CYP11B1: variants seen among roughly 807,000 people sequenced by gnomAD.
CYP11B1 encodes cytochrome P450 family 11 subfamily B member 1.
CYP11B1 carries 34 observed loss-of-function variants against 48.3 expected under a neutral mutation model. The observed-to-expected ratio is 0.70, with a 90% CI of 0.54 to 0.94. The LOEUF is 0.94. Among genes scored for constraint, CYP11B1 ranks in the 40% least tolerant of loss-of-function variants. The probability of loss-of-function intolerance (pLI) is 0.00; values close to 1 mark genes in which losing one functional copy is unlikely to be tolerated. For synonymous variants in CYP11B1, 291 were observed against 262.5 expected (o/e 1.11, Z -1.05); for missense variants, 688 against 657.4 (o/e 1.05, Z -0.51).
rs1816859852 is a variant in CYP11B1, at chr8:142,873,981, C to T, written c.*392G>A. ...TGACTCTGACAGTCTGCGCAGGGGC[C>T]CTGGCCAGGGGAAGAGGAACAGGGA... is the stretch of plus-strand genomic sequence containing the variant. On this transcript the variant is annotated 3_prime_UTR_variant, in exon 9 of 9. Coordinates refer to ENST00000292427, the MANE Select transcript of CYP11B1 (RefSeq NM_000497.4). 1 of 330,688 alleles carries T rather than the reference C, an allele frequency of 3.0e-6. No individual in the cohort carries two copies. Among genetic ancestry groups the T allele is most frequent in the Non-Finnish European group, 5.9e-6 (1 of 169,230 alleles). The allele number at this position is 330,688 out of a possible 1,614,324, so 20.5% of individuals were successfully genotyped here. A position where few individuals can be genotyped will look rare whatever the true frequency, so the allele number is the denominator to read the frequency against.
intron 1 of CYP11B1, 45 bp downstream of exon 1, chr8:142,879,530 G>T: frequency 6.2e-7 from 1 of 1,614,182 alleles, no homozygotes; most frequent in South Asian, 1.1e-5. Context: ...GGGCAGCAAG[G>T]GCAGGGCTCT....
At chr8:142,877,763 C>T in intron 2 of CYP11B1, 1 of 1,597,978 alleles carries the variant, frequency 6.3e-7, no homozygotes, top group Non-Finnish European at 8.5e-7. Context: ...TCACCTACAG[C>T]CAGAGTGCGT....
chr8:142,878,975 C>T lies in CYP11B1; in HGVS notation c.395+57G>A. ...GTGCTTTTGGGTCCTGCCTCTCTCG[C>T]CTCCCCCCTACACCCAGGCTGCCCA... On this transcript the variant is annotated intron_variant, in intron 2 of 8. Coordinates refer to ENST00000292427, the MANE Select transcript of CYP11B1 (RefSeq NM_000497.4). The T allele has an allele frequency of 1.9e-6, 3 of 1,603,120 alleles. No individual in the cohort carries two copies. The South Asian group carries it at 3.3e-5, about 18-fold the overall frequency.
At chr8:142,875,513 C>A in intron 6 of CYP11B1, 199 bp downstream of exon 6, 1 of 915,558 alleles carries the variant, frequency 1.1e-6, no homozygotes, top group Non-Finnish European at 1.7e-6. Context: ...ACATGCTCCA[C>A]GTTAATCCCC....
At chr8:142,877,904 A>C in intron 2 of CYP11B1, 1 of 1,309,484 alleles carries the variant, frequency 7.6e-7, no homozygotes, top group African/African-American at 1.5e-5. Context: ...GGCAGGCAGA[A>C]GATGCACATG....
chr8:142,874,526 G>C (rs768939832), intron 8 of CYP11B1, 40 bp from the exon 9 acceptor site: 1 of 1,383,482 alleles, frequency 7.2e-7, no homozygotes, highest in South Asian at 1.2e-5. Flanking sequence ...TTGGTCCGCA[G>C]CCCATGCACG....
intron 2 of CYP11B1, chr8:142,877,742 T>C (rs1368103852): frequency 1.3e-6 from 2 of 1,596,566 alleles, no homozygotes; most frequent in East Asian, 4.5e-5. Flanking sequence ...GCTTTGTGCT[T>C]CATGCCATCC....
In CYP11B1 at chr8:142,875,895, T is replaced by A; in HGVS notation, c.955-17A>T. On this transcript the variant is annotated splice_polypyrimidine_tract_variant and intron_variant, in intron 5 of 8. Coordinates refer to ENST00000292427, the MANE Select transcript of CYP11B1 (RefSeq NM_000497.4). The stretch of plus-strand genomic sequence containing the variant: ...AAACACCGTCTGCAGGAGACACAGC[T>A]GCAGGGTCAGACCTTGCACAGGAGG... The A allele has an allele frequency of 6.2e-7, 1 of 1,614,042 alleles. No individual in the cohort carries two copies. Among genetic ancestry groups the A allele is most frequent in the Non-Finnish European group, 8.5e-7 (1 of 1,179,960 alleles).
Position 142,877,143 on chromosome 8 carries a change from G to A in CYP11B1, c.475C>T (p.Pro159Ser). ...TCCCTGGCCACTGCATCCACCATCG[G>A]GAGGAACCTCTGCACAGCGTTGGGC... ...LSPNAVQRFL[P>S]MVDAVARDFS... The change falls in exon 3 of 9, where the codon CCG becomes TCG. Residue 159 changes from proline to serine, a missense_variant. Transcript: ENST00000292427. 6.2e-7 allele frequency: 1 copy of A among 1,614,164 alleles called. No individual in the cohort carries two copies. The highest frequency in any genetic ancestry group is 1.3e-5 in the African/African-American group (1 of 75,040).
chr8:142,876,198 C>T (rs943182652), intron 5 of CYP11B1, 43 bp downstream of exon 5: 2 of 1,613,660 alleles, frequency 1.2e-6, no homozygotes, highest in African/African-American at 2.7e-5. Context: ...GGGAGGCAGG[C>T]TTGGCATCAC....
At chr8:142,879,329 G>A in intron 1 of CYP11B1, 142 bp from the exon 2 acceptor site, 1 of 1,605,818 alleles carries the variant, frequency 6.2e-7, no homozygotes, top group South Asian at 1.1e-5. Flanking sequence ...CTTGCTGACT[G>A]CCCGGAACCT....
intron 2 of CYP11B1, among the ~76,000 whole-genome samples, chr8:142,877,996 G>A (rs28551743): frequency 0.47 from 71,513 of 151,858 alleles, 17,255 homozygotes; most frequent in Middle Eastern, 0.56. Flanking sequence ...CACCCATGCC[G>A]GCACCTGCAC....
Position 142,879,766 on chromosome 8 carries a change from C to A in CYP11B1, c.48G>T (p.Leu16=), listed in dbSNP as rs1817089039. The A allele has an allele frequency of 1.2e-6, 2 of 1,614,196 alleles. No individual in the cohort carries two copies. The highest frequency in any genetic ancestry group is 1.7e-6 in the Non-Finnish European group (2 of 1,180,044). ...KAEVCMAVPW[L]SLQRAQALGT... Reference sequence around the variant, plus strand: ...CCAGTGCCTGTGCCCTTTGCAGGGACAGCCAGGGCACTGCCATGCACACCT... The same window carrying A: ...CCAGTGCCTGTGCCCTTTGCAGGGAAAGCCAGGGCACTGCCATGCACACCT... Residue 16 remains leucine (L), a synonymous_variant, in exon 1 of 9, where the codon CTG becomes CTT. Transcript: ENST00000292427.
At chr8:142,875,438 G>T in intron 6 of CYP11B1, 126 bp from the exon 7 acceptor site, 8 of 1,286,888 alleles carry the variant, frequency 6.2e-6, no homozygotes, top group Non-Finnish European at 8.7e-6. Flanking sequence ...CGTAGGAAGT[G>T]CTTCCTTGCA....
chr8:142,874,703 A>G (rs1816875706), intron 8 of CYP11B1, among the ~76,000 whole-genome samples: 1 of 151,912 alleles, frequency 6.6e-6, no homozygotes. Flanking sequence ...TACAGGCTCC[A>G]CCCGACTTCC....
Position 142,875,029 on chromosome 8 carries a change from G to A in CYP11B1, c.1326C>T (p.Pro442=). Residue 442 remains proline (P), a synonymous_variant, in exon 8 of 9, where the codon CCC becomes CCT. Coordinates refer to ENST00000292427, the MANE Select transcript of CYP11B1 (RefSeq NM_000497.4). ...GGCACTGGCGCATGCCAAAGCCAAA[G>A]GGCACGTGGTAGAAGTTCCTGCCGG... ...RGSGRNFYHV[P]FGFGMRQCLG... 1.2e-6 allele frequency: 2 copies of A among 1,614,260 alleles called. No homozygotes were observed. Among genetic ancestry groups the A allele is most frequent in the Non-Finnish European group, 1.7e-6 (2 of 1,180,050 alleles).
At chr8:142,874,571 G>T in intron 8 of CYP11B1, 85 bp from the exon 9 acceptor site, 1 of 954,520 alleles carries the variant, frequency 1.0e-6, no homozygotes, top group Non-Finnish European at 1.7e-6. Context: ...AAGTTGCAGA[G>T]ATTATGCTGA....
chr8:142,878,902 G>A, intron 2 of CYP11B1, 130 bp downstream of exon 2: 1 of 1,391,408 alleles, frequency 7.2e-7, no homozygotes, highest in East Asian at 2.5e-5. Context: ...GCCGTCCTCT[G>A]GGTCGGGTGC....
chr8:142,874,569 G>T, intron 8 of CYP11B1, 83 bp from the exon 9 acceptor site: 1 of 965,882 alleles, frequency 1.0e-6, no homozygotes, highest in South Asian at 1.3e-5. Context: ...CAAAGTTGCA[G>T]AGATTATGCT....
Sources: allele counts gnomAD v4.1 joint callset (sites outside exome capture counted in the v4.1 genomes callset), GRCh38; gene constraint gnomAD v4.1.1; transcripts MANE v1.5; gene names NCBI Gene and HGNC (gene_info 2026-07-23, HGNC 2026-07-21).